ANKS1B: variants seen among roughly 807,000 people sequenced by gnomAD.
ANKS1B encodes ankyrin repeat and sterile alpha motif domain containing 1B, also known as ankyrin repeat and sterile alpha motif domain-containing protein 1B.
In ANKS1B, 36 loss-of-function variants were observed where a neutral mutation model predicts 148.3. The observed-to-expected ratio is 0.24, with a 90% confidence interval of 0.19 to 0.32. The LOEUF is 0.32. Ranked by LOEUF, ANKS1B falls within the 10% of genes least tolerant of loss-of-function variation. ANKS1B has a pLI of 1.00. For missense variants in ANKS1B, 1,157 were observed against 1,542.6 expected (o/e 0.75, Z 4.19); for synonymous variants, 542 against 560.8 (o/e 0.97, Z 0.47).
At chr12:99,101,533 C>G (rs1465742649) in intron 15 of ANKS1B, among the ~76,000 whole-genome samples, 1 of 152,122 alleles carries the variant, frequency 6.6e-6, no homozygotes, top group Non-Finnish European at 1.5e-5. Flanking sequence ...AATAGACTTT[C>G]AGAGGAGGTA....
At chr12:99,211,047 T>G (rs950920805) in intron 14 of ANKS1B, among the ~76,000 whole-genome samples, 13 of 152,164 alleles carry the variant, frequency 8.5e-5, no homozygotes, top group Non-Finnish European at 4.4e-5. Flanking sequence ...CCTAATAGAA[T>G]GGCAAAAACT....
At chr12:99,700,929 G>A (rs1026283742) in intron 8 of ANKS1B, among the ~76,000 whole-genome samples, 2 of 152,148 alleles carry the variant, frequency 1.3e-5, no homozygotes, top group African/African-American at 4.8e-5. Flanking sequence ...CCCACCTGCT[G>A]AACTGGTGCT....
chr12:99,798,874 C>T (rs565695225), intron 4 of ANKS1B, among the ~76,000 whole-genome samples: 292 of 152,130 alleles, frequency 1.9e-3, no homozygotes, highest in African/African-American at 6.1e-3. Context: ...TCCACTTGTG[C>T]TCTTTATTCT....
chr12:99,834,615 T>C (rs557961673), intron 1 of ANKS1B, among the ~76,000 whole-genome samples: 2 of 152,286 alleles, frequency 1.3e-5, no homozygotes, highest in African/African-American at 2.4e-5. Flanking sequence ...ACATATTAAA[T>C]AAGATTATTC....
chr12:98,861,504 C>G (rs929595219), intron 17 of ANKS1B, among the ~76,000 whole-genome samples: 1 of 152,162 alleles, frequency 6.6e-6, no homozygotes, highest in African/African-American at 2.4e-5. Context: ...TCACTAGCTT[C>G]GCTCAGCAAA....
intron 5 of ANKS1B, among the ~76,000 whole-genome samples, chr12:99,780,369 A>G (rs1040798423): frequency 6.6e-6 from 1 of 151,762 alleles, no homozygotes; most frequent in Admixed American, 6.6e-5. Flanking sequence ...TCCGCTTCCC[A>G]GGTTCACGCC....
chr12:99,649,528 A>G (rs906627682), intron 9 of ANKS1B: 6 of 693,598 alleles, frequency 8.7e-6, no homozygotes, highest in Admixed American at 7.8e-5. Flanking sequence ...CACCACAGGT[A>G]CCATGGATGT....
intron 17 of ANKS1B, among the ~76,000 whole-genome samples, chr12:98,907,106 A>G (rs1177294034): frequency 1.3e-5 from 2 of 151,942 alleles, no homozygotes; most frequent in Admixed American, 6.6e-5. Context: ...TATACAATAC[A>G]TTATTATTAA....
chr12:99,821,747 A>G (rs1308729672), intron 2 of ANKS1B, among the ~76,000 whole-genome samples: 1 of 152,110 alleles, frequency 6.6e-6, no homozygotes, highest in Non-Finnish European at 1.5e-5. Context: ...CTTCCCAATT[A>G]GAACTAAAAA....
At chr12:99,162,633 A>AAC (rs1312293657) in intron 14 of ANKS1B, among the ~76,000 whole-genome samples, 3 of 152,016 alleles carry the variant, frequency 2.0e-5, no homozygotes, top group Non-Finnish European at 4.4e-5. Context: ...ATTTTCAAAT[A>AAC]ACACACACAC....
In ANKS1B at chr12:99,652,075, A is replaced by ATC. The variant is rs1405313918; in HGVS notation, c.1272+2991_1272+2992insGA. On this transcript the variant is annotated intron_variant, in intron 9 of 26. Transcript: ENST00000683438. ...ATACATAAAACATGTTTACATGTGT[A>ATC]TATATATATATACACACACATATAC... is the stretch of plus-strand genomic sequence containing the variant. Among the ~76,000 whole-genome samples the ATC allele has an allele frequency of 2.0e-5, 3 of 150,140 alleles. No homozygotes were observed. The East Asian group carries it at 5.8e-4, about 29-fold the overall frequency.
At chr12:98,975,387 T>G (rs1026311642) in intron 17 of ANKS1B, among the ~76,000 whole-genome samples, 1 of 148,026 alleles carries the variant, frequency 6.8e-6, no homozygotes, top group African/African-American at 2.5e-5. Flanking sequence ...CCTTCCTACC[T>G]TCCTGCCTTC....
At chr12:98,961,623 T>C (rs2099871573) in intron 17 of ANKS1B, among the ~76,000 whole-genome samples, 1 of 152,102 alleles carries the variant, frequency 6.6e-6, no homozygotes, top group Admixed American at 6.6e-5. Context: ...TATAAACTAT[T>C]CATATCTCAA....
chr12:99,254,834 A>G (rs925364439), intron 12 of ANKS1B, among the ~76,000 whole-genome samples: 8 of 152,200 alleles, frequency 5.3e-5, no homozygotes, highest in African/African-American at 1.9e-4. Context: ...GTTAAACATT[A>G]GATATTAATG....
intron 14 of ANKS1B, among the ~76,000 whole-genome samples, chr12:99,219,750 C>T (rs2084796054): frequency 6.6e-6 from 1 of 152,198 alleles, no homozygotes; most frequent in Non-Finnish European, 1.5e-5. Context: ...TGGGATCTTC[C>T]ACCCACTCAG....
At chr12:99,468,130 T>C (rs1418978427) in intron 10 of ANKS1B, among the ~76,000 whole-genome samples, 4 of 151,348 alleles carry the variant, frequency 2.6e-5, no homozygotes, top group Non-Finnish European at 5.9e-5. Context: ...TCAGAAATAA[T>C]GCTGCATATC....
At chr12:98,812,382 T>C (rs2099103795) in intron 19 of ANKS1B, among the ~76,000 whole-genome samples, 1 of 152,184 alleles carries the variant, frequency 6.6e-6, no homozygotes, top group Non-Finnish European at 1.5e-5. Context: ...CCCAGCTGTG[T>C]GGCAGGTGAC....
At chr12:99,349,408 A>T (rs964563586) in intron 12 of ANKS1B, among the ~76,000 whole-genome samples, 23 of 152,114 alleles carry the variant, frequency 1.5e-4, no homozygotes, top group Middle Eastern at 3.4e-3. Context: ...TTAGAAAATG[A>T]TCCAAATATA....
At chr12:99,889,000 A>ACACACACACAC (rs1555228591) in intron 1 of ANKS1B, among the ~76,000 whole-genome samples, 13 of 147,144 alleles carry the variant, frequency 8.8e-5, no homozygotes, top group Admixed American at 1.4e-4. Flanking sequence ...ACACACACAC[A>ACACACACACAC]ACTAGAGACT....
Sources: gnomAD v4.1 joint callset for allele counts (sites outside exome capture counted in the v4.1 genomes callset) on GRCh38, gnomAD v4.1.1 for gene constraint, MANE v1.5 for transcripts, NCBI Gene and HGNC (gene_info 2026-07-23, HGNC 2026-07-21) for gene names.